Variants in SLIT3 observed in about 807,000 individuals in gnomAD.
The protein encoded by SLIT3 is slit homolog 3 protein.
SLIT3 carries 68 observed loss-of-function variants against 184.0 expected under a neutral mutation model. That is an observed-to-expected ratio of 0.37 (90% CI 0.30 to 0.45). The LOEUF is 0.45. SLIT3 is among the 20% of genes least tolerant of loss of function. SLIT3 has a pLI of 1.00. For synonymous variants in SLIT3, 831 were observed against 828.6 expected (o/e 1.00, Z -0.05); for missense variants, 1,707 against 2,026.0 (o/e 0.84, Z 3.02).
At chr5:168,887,321 G>C (rs1760257330) in intron 4 of SLIT3, among the ~76,000 whole-genome samples, 1 of 152,072 alleles carries the variant, frequency 6.6e-6, no homozygotes, top group African/African-American at 2.4e-5. Context: ...TTGGTGGAGG[G>C]AATTTGATCC....
chr5:168,753,775 G>T, intron 17 of SLIT3, 89 bp downstream of exon 17: 1 of 1,460,084 alleles, frequency 6.8e-7, no homozygotes, highest in Non-Finnish European at 9.3e-7. Context: ...CAGTGCCTGG[G>T]TCCCACTTGC....
chr5:168,762,778 G>C, intron 14 of SLIT3, 89 bp from the exon 15 acceptor site: 2 of 1,346,704 alleles, frequency 1.5e-6, no homozygotes, highest in Non-Finnish European at 2.1e-6. Flanking sequence ...AGACAGAGAT[G>C]GGGGAATGAG....
At chr5:168,888,785 C>T (rs917492386) in intron 4 of SLIT3, among the ~76,000 whole-genome samples, 4 of 152,166 alleles carry the variant, frequency 2.6e-5, no homozygotes, top group African/African-American at 9.7e-5. Flanking sequence ...ATGTTTGGAA[C>T]CATTATTGGA....
chr5:168,947,471 T>C (rs1388467685), intron 4 of SLIT3, among the ~76,000 whole-genome samples: 1 of 152,120 alleles, frequency 6.6e-6, no homozygotes, highest in Non-Finnish European at 1.5e-5. Flanking sequence ...GCAGAGATGT[T>C]GCATGGGACT....
chr5:169,125,646 C>T (rs1161643301), intron 4 of SLIT3, among the ~76,000 whole-genome samples: 1 of 152,162 alleles, frequency 6.6e-6, no homozygotes, highest in Non-Finnish European at 1.5e-5. Flanking sequence ...CAAACGGCAG[C>T]TGGCTGAAGC....
chr5:169,112,103 A>G, intron 4 of SLIT3, among the ~76,000 whole-genome samples: 1 of 152,242 alleles, frequency 6.6e-6, no homozygotes. Flanking sequence ...GGGAACGAAC[A>G]GTATTTTTGT....
At position 168,759,966 on chromosome 5, in the gene SLIT3, G is replaced by C. The variant is rs1468789624; in HGVS notation, c.1685+896C>G. 2.0e-5 allele frequency among the ~76,000 whole-genome samples: 3 copies of C among 152,294 alleles called. No homozygotes were observed. The East Asian group carries it at 5.8e-4, about 30-fold the overall frequency. ...CCTCTTCTGTGCTGGTACCTCTGCT[G>C]GGGGACCCCGCACGGAAGATGAGGA... On this transcript the variant is annotated intron_variant, in intron 16 of 35. Transcript: ENST00000519560.
intron 26 of SLIT3, among the ~76,000 whole-genome samples, chr5:168,705,227 A>G (rs1445302837): frequency 6.6e-6 from 1 of 152,190 alleles, no homozygotes; most frequent in Non-Finnish European, 1.5e-5. Flanking sequence ...CACAGCTTCT[A>G]GAGTCAGTTG....
chr5:168,858,838 C>T (rs796687168), intron 5 of SLIT3, among the ~76,000 whole-genome samples: 1 of 152,254 alleles, frequency 6.6e-6, no homozygotes, highest in East Asian at 1.9e-4. Flanking sequence ...GGACTCAGCA[C>T]ATCCCCATCA....
rs150710098 is a variant in SLIT3, at chr5:169,084,865, T to C, written c.413+108614A>G. Among the ~76,000 whole-genome samples the C allele has an allele frequency of 6.3e-3, 952 of 152,162 alleles. 15 individuals are homozygous for C. The highest frequency in any genetic ancestry group is 0.022 in the African/African-American group (914 of 41,508). ...GCTTCCACTGGGAGGAAGGGGCCCC[T>C]TTTCCTAATCCACACAAAGGCTCCC... is the stretch of plus-strand genomic sequence containing the variant. On this transcript the variant is annotated intron_variant, in intron 4 of 35. Transcript: ENST00000519560.
chr5:168,935,218 A>C (rs1188953563), intron 4 of SLIT3, among the ~76,000 whole-genome samples: 3 of 151,968 alleles, frequency 2.0e-5, no homozygotes, highest in African/African-American at 7.2e-5. Flanking sequence ...CATTTTTCAG[A>C]TGAGAAGTTG....
intron 4 of SLIT3, among the ~76,000 whole-genome samples, chr5:168,907,967 TATATATATATATAGAG>T (rs1344293642): frequency 1.4e-4 from 11 of 80,224 alleles, no homozygotes; most frequent in East Asian, 3.4e-4. Context: ...TATATATATA[TATATATATATATAGAG>T]AGAGAGAGAG....
At chr5:169,133,162 T>C (rs1761367404) in intron 4 of SLIT3, among the ~76,000 whole-genome samples, 1 of 152,216 alleles carries the variant, frequency 6.6e-6, no homozygotes, top group African/African-American at 2.4e-5. Flanking sequence ...CGAGATATTA[T>C]ATTTCTACCT....
At chr5:168,720,334 G>T (rs1022900980) in intron 23 of SLIT3, 1 of 151,794 alleles carries the variant, frequency 6.6e-6, no homozygotes, top group East Asian at 1.9e-4. Flanking sequence ...TGAGGAAAGA[G>T]AAAACCCTGG....
At chr5:168,833,423 T>C (rs1352850475) in intron 6 of SLIT3, among the ~76,000 whole-genome samples, 1 of 152,192 alleles carries the variant, frequency 6.6e-6, no homozygotes, top group Non-Finnish European at 1.5e-5. Flanking sequence ...CTCCAGTGCT[T>C]ACTCAACGGG....
chr5:169,162,364 C>T (rs1259282072), intron 4 of SLIT3, among the ~76,000 whole-genome samples: 1 of 152,156 alleles, frequency 6.6e-6, no homozygotes, highest in Admixed American at 6.5e-5. Flanking sequence ...TGCTGTGTAT[C>T]GCCATGTTGC....
intron 1 of SLIT3, among the ~76,000 whole-genome samples, chr5:169,259,769 G>A (rs955897917): frequency 3.3e-5 from 5 of 152,174 alleles, no homozygotes; most frequent in Non-Finnish European, 7.3e-5. Context: ...CAATAACTCT[G>A]TAATTGTCAT....
chr5:169,156,336 C>T (rs756297138), intron 4 of SLIT3, among the ~76,000 whole-genome samples: 2 of 152,200 alleles, frequency 1.3e-5, no homozygotes, highest in Non-Finnish European at 2.9e-5. Context: ...CACACGTGTA[C>T]AGGGCCAAGT....
Position 168,719,510 on chromosome 5 carries a change from C to A in SLIT3, c.2483+2746G>T, listed in dbSNP as rs915770463. 1.4e-4 allele frequency among the ~76,000 whole-genome samples: 21 copies of A among 152,148 alleles called. 1 individual carries two copies. The highest frequency in any genetic ancestry group is 1.0e-3 in the Admixed American group (16 of 15,284). On this transcript the variant is annotated intron_variant, in intron 23 of 35. Coordinates refer to ENST00000519560, the MANE Select transcript of SLIT3 (RefSeq NM_003062.4). ...ACATATATACAAGTTAGGTTTATTT[C>A]TCCATGTAACGCTATGTGATAAGCA...
Sources: allele counts gnomAD v4.1 joint callset (sites outside exome capture counted in the v4.1 genomes callset), GRCh38; gene constraint gnomAD v4.1.1; transcripts MANE v1.5; gene names NCBI Gene and HGNC (gene_info 2026-07-23, HGNC 2026-07-21).